Variants in TRIM2 observed in about 807,000 individuals in gnomAD.
TRIM2 encodes tripartite motif-containing protein 2.
A neutral mutation model predicts 75.2 loss-of-function variants in TRIM2; 20 were observed. The ratio of observed to expected loss-of-function variants is 0.27; its 90% CI spans 0.19 to 0.39. The LOEUF (loss-of-function observed/expected upper bound fraction) is 0.39, where lower values mean the gene tolerates loss of function less well. Among genes scored for constraint, TRIM2 ranks in the 10% least tolerant of loss-of-function variants. The pLI, the probability that TRIM2 is intolerant of heterozygous loss-of-function variation, is 1.00. For missense variants in TRIM2, 660 were observed against 990.8 expected (o/e 0.67, Z 4.48); for synonymous variants, 373 against 388.3 (o/e 0.96, Z 0.46).
upstream of TRIM2, among the ~76,000 whole-genome samples, chr4:153,202,571 C>A (rs1046380261): frequency 6.6e-6 from 1 of 151,890 alleles, no homozygotes; most frequent in African/African-American, 2.4e-5. Context: ...TGGCGGCATG[C>A]GCCTGTAGTC....
chr4:153,334,636 T>C (rs1249331883), intron 11 of TRIM2, among the ~76,000 whole-genome samples, 178 bp from the exon 12 acceptor site: 1 of 152,080 alleles, frequency 6.6e-6, no homozygotes, highest in Non-Finnish European at 1.5e-5. Flanking sequence ...AGCCTACGAA[T>C]TAAAGGTTAC....
chr4:153,307,421 A>T (rs773668632), intron 6 of TRIM2, among the ~76,000 whole-genome samples: 1 of 151,828 alleles, frequency 6.6e-6, no homozygotes, highest in African/African-American at 2.4e-5. Flanking sequence ...CTTAGCATGA[A>T]TTCAGAGACT....
intron 1 of TRIM2, among the ~76,000 whole-genome samples, chr4:153,169,862 A>G (rs976018052): frequency 1.3e-5 from 2 of 152,228 alleles, no homozygotes; most frequent in African/African-American, 2.4e-5. Context: ...TACGTGAACC[A>G]TGTTCATTTT....
chr4:153,175,686 C>A (rs1288933757), intron 1 of TRIM2, among the ~76,000 whole-genome samples: 2 of 152,128 alleles, frequency 1.3e-5, no homozygotes, highest in African/African-American at 4.8e-5. Flanking sequence ...ACAAAATACT[C>A]TCTTAAAAAG....
At chr4:153,266,683 A>C (rs1755225070) in intron 1 of TRIM2, among the ~76,000 whole-genome samples, 1 of 140,030 alleles carries the variant, frequency 7.1e-6, no homozygotes, top group African/African-American at 2.7e-5. Context: ...ATGGGGATTC[A>C]CCATGTTGCC....
chr4:153,332,870 A>G lies in TRIM2; in HGVS notation c.2164-1944A>G, dbSNP rs112525321. On this transcript the variant is annotated intron_variant, in intron 11 of 11. Transcript: ENST00000338700. ...ACCAGATCTCTCATGCATTGCTGGTAAAAATGCAAAACTACACAGTCAGCC... is the reference window on the plus strand; with the variant it reads ...ACCAGATCTCTCATGCATTGCTGGTGAAAATGCAAAACTACACAGTCAGCC... Among the ~76,000 whole-genome samples, 735 of 152,302 alleles carry G rather than the reference A, an allele frequency of 4.8e-3. 5 individuals carry two copies. The highest frequency in any genetic ancestry group is 0.017 in the African/African-American group (691 of 41,568).
chr4:153,190,267 GA>G (rs1733047399), intron 1 of TRIM2, among the ~76,000 whole-genome samples: 1 of 152,194 alleles, frequency 6.6e-6, no homozygotes, highest in African/African-American at 2.4e-5. Flanking sequence ...ATGACAGCAG[GA>G]AAAAGAGGCT....
intron 8 of TRIM2, among the ~76,000 whole-genome samples, chr4:153,317,113 C>CTCAT (rs917075775): frequency 4.0e-5 from 6 of 150,310 alleles, no homozygotes; most frequent in Non-Finnish European, 5.9e-5. Flanking sequence ...ATCTCCTGAC[C>CTCAT]TCATGATCCG....
chr4:153,257,608 G>A (rs1230399772), intron 1 of TRIM2: 1 of 1,288,564 alleles, frequency 7.8e-7, no homozygotes, highest in Admixed American at 2.3e-5. Context: ...GCACTGCATG[G>A]TAGGGAATTT....
At chr4:153,244,432 C>CTTCTTCTTCT (rs1560875871) in intron 1 of TRIM2, among the ~76,000 whole-genome samples, 3 of 108,468 alleles carry the variant, frequency 2.8e-5, no homozygotes, top group Non-Finnish European at 5.3e-5. Context: ...TCTTCTTCTT[C>CTTCTTCTTCT]TTCTTTTAAT....
At chr4:153,218,399 A>G (rs1359297334) in intron 1 of TRIM2, among the ~76,000 whole-genome samples, 1 of 152,170 alleles carries the variant, frequency 6.6e-6, no homozygotes, top group Non-Finnish European at 1.5e-5. Context: ...TTGTAGAGAC[A>G]GGGTCTCTCT....
At chr4:153,272,594 T>C (rs1216339174) in intron 2 of TRIM2, among the ~76,000 whole-genome samples, 1 of 152,136 alleles carries the variant, frequency 6.6e-6, no homozygotes, top group African/African-American at 2.4e-5. Flanking sequence ...TCCAGAGATC[T>C]TCCCACCTCA....
At chr4:153,276,153 ACTG>A in intron 3 of TRIM2, 23 bp downstream of exon 3, 1 of 1,597,490 alleles carries the variant, frequency 6.3e-7, no homozygotes, top group Non-Finnish European at 8.6e-7. Context: ...GATGGCAGAT[ACTG>A]CCCGGGAGCA....
At chr4:153,198,371 A>G (rs1210685697) in intron 1 of TRIM2, among the ~76,000 whole-genome samples, 2 of 152,202 alleles carry the variant, frequency 1.3e-5, no homozygotes, top group African/African-American at 2.4e-5. Context: ...AATAAGTCTC[A>G]TGAGATCTCA....
At chr4:153,172,726 C>T (rs1471438530) in intron 1 of TRIM2, among the ~76,000 whole-genome samples, 1 of 152,036 alleles carries the variant, frequency 6.6e-6, no homozygotes. Context: ...TAGAGAATAA[C>T]CAGGATCAGG....
Position 153,244,392 on chromosome 4 carries a change from T to C in TRIM2, c.31-25943T>C, listed in dbSNP as rs1433851487. On this transcript the variant is annotated intron_variant, in intron 1 of 11. Transcript: ENST00000338700. ...TTCTTCTTCTTCTTCTTCTTCTTCT[T>C]CTTCTTCTTCTTCTTCTTCTTCTTC... Among the ~76,000 whole-genome samples, 14 of 80,556 alleles carry C rather than the reference T, an allele frequency of 1.7e-4. 1 individual carries two copies. The highest frequency in any genetic ancestry group is 1.1e-3 in the African/African-American group (13 of 11,570). The allele number at this position is 80,556 out of a possible 152,430, so 52.8% of individuals were successfully genotyped here. A position where few individuals can be genotyped will look rare whatever the true frequency, so the allele number is the denominator to read the frequency against.
At chr4:153,251,671 C>G (rs757105409) in intron 1 of TRIM2, among the ~76,000 whole-genome samples, 3 of 152,114 alleles carry the variant, frequency 2.0e-5, no homozygotes, top group Non-Finnish European at 2.9e-5. Flanking sequence ...TCAAAATTCT[C>G]TCTTCTAGCT....
At chr4:153,235,254 G>A (rs535023865) in intron 1 of TRIM2, among the ~76,000 whole-genome samples, 1 of 151,950 alleles carries the variant, frequency 6.6e-6, no homozygotes, top group Admixed American at 6.6e-5. Flanking sequence ...CTGTAAAATG[G>A]GAAAAGCTGT....
At chr4:153,200,724 A>AAAATAT (rs1405991305), upstream of TRIM2, among the ~76,000 whole-genome samples, 96 of 138,108 alleles carry the variant, frequency 7.0e-4, no homozygotes, top group African/African-American at 1.9e-3. Context: ...AAGAAAAAAA[A>AAAATAT]ATATATATAT....
Sources: gnomAD v4.1 joint callset for allele counts (sites outside exome capture counted in the v4.1 genomes callset) on GRCh38, gnomAD v4.1.1 for gene constraint, MANE v1.5 for transcripts, NCBI Gene and HGNC (gene_info 2026-07-23, HGNC 2026-07-21) for gene names.